CSRNP3: variants seen among roughly 807,000 people sequenced by gnomAD.
CSRNP3 encodes the protein cysteine and serine rich nuclear protein 3.
CSRNP3 carries 12 observed loss-of-function variants against 48.0 expected under a neutral mutation model. That is an observed-to-expected ratio of 0.25 (90% CI 0.16 to 0.41). The LOEUF (loss-of-function observed/expected upper bound fraction) is 0.41, where lower values mean the gene tolerates loss of function less well. CSRNP3 is among the 10% of genes least tolerant of loss of function. CSRNP3 has a pLI of 1.00. For missense variants in CSRNP3, 580 were observed against 724.4 expected (o/e 0.80, Z 2.29); for synonymous variants, 263 against 269.7 (o/e 0.98, Z 0.24).
intron 2 of CSRNP3, among the ~76,000 whole-genome samples, chr2:165,514,297 T>G (rs1246023568): frequency 2.0e-5 from 3 of 152,260 alleles, no homozygotes; most frequent in Non-Finnish European, 4.4e-5. Flanking sequence ...GTGTTGAGGC[T>G]ATCCAGTTTG....
rs565704691 is a variant in CSRNP3 at position 165,605,432 on chromosome 2, C to T, written c.148+10219C>T. ...ATCTAAAGTACGTAGGCCCAAAGTC[C>T]TCATCTCTTAGAGAAATACATGAAA... is the stretch of plus-strand genomic sequence containing the variant. On this transcript the variant is annotated intron_variant, in intron 4 of 6. Transcript: ENST00000651982. Among the ~76,000 whole-genome samples the T allele has an allele frequency of 1.3e-4, 19 of 151,928 alleles. No individual in the cohort carries two copies. The South Asian group carries it at 4.0e-3, about 32-fold the overall frequency.
rs748378762 is a variant in CSRNP3, at chr2:165,686,988, C to G, written c.*7235C>G. The G allele has an allele frequency of 6.6e-6, 1 of 152,070 alleles. No homozygotes were observed. The highest frequency in any genetic ancestry group is 1.5e-5 in the Non-Finnish European group (1 of 67,986). The allele number at this position is 152,070 out of a possible 1,614,324, so 9.4% of individuals were successfully genotyped here. ...CTTAGGCATGCCCAACAGGAGAGAT[C>G]GCCATCTATTCTTAACATCTCTAGG... On this transcript the variant is annotated 3_prime_UTR_variant, in exon 7 of 7. Transcript: ENST00000651982.
At chr2:165,620,160 C>T (rs1381149621) in intron 4 of CSRNP3, among the ~76,000 whole-genome samples, 2 of 152,076 alleles carry the variant, frequency 1.3e-5, no homozygotes, top group Non-Finnish European at 1.5e-5. Flanking sequence ...AATTTTTACA[C>T]AGTTTTTCTT....
intron 3 of CSRNP3, among the ~76,000 whole-genome samples, chr2:165,519,481 A>G (rs1394417555): frequency 6.6e-6 from 1 of 152,212 alleles, no homozygotes; most frequent in Non-Finnish European, 1.5e-5. Flanking sequence ...GCAGCACTGT[A>G]CTTCTCAAGA....
At chr2:165,666,876 AGAGG>A in intron 5 of CSRNP3, among the ~76,000 whole-genome samples, 1 of 112,672 alleles carries the variant, frequency 8.9e-6, no homozygotes, top group Non-Finnish European at 2.0e-5. Context: ...AGAAAGAGAG[AGAGG>A]AAGAAGGAAA....
At chr2:165,548,043 TA>T (rs1223565818) in intron 3 of CSRNP3, among the ~76,000 whole-genome samples, 1 of 152,066 alleles carries the variant, frequency 6.6e-6, no homozygotes, top group Non-Finnish European at 1.5e-5. Context: ...TTGCAAATAC[TA>T]AAAAAGTGTG....
chr2:165,490,420 A>C lies in CSRNP3; in HGVS notation c.-282-4339A>C, dbSNP rs1426878173. Among the ~76,000 whole-genome samples the C allele has an allele frequency of 1.0e-4, 14 of 135,234 alleles. No homozygotes were observed. In the East Asian group the frequency reaches 2.3e-3, roughly 22 times the overall value. The allele number at this position is 135,234 out of a possible 152,430, so 88.7% of individuals were successfully genotyped here. On this transcript the variant is annotated intron_variant, in intron 1 of 6. Transcript: ENST00000651982. ...TGCCATCCCCATCAAGCTACCAATG[A>C]CTTTCTTCACAGAATTGGAAAAAAC...
At chr2:165,559,990 G>A (rs964707056) in intron 3 of CSRNP3, among the ~76,000 whole-genome samples, 8 of 151,566 alleles carry the variant, frequency 5.3e-5, no homozygotes, top group East Asian at 1.9e-4. Context: ...TAGTAGAGAC[G>A]GGGTTTCACC....
chr2:165,670,606 A>G (rs1687312238), intron 5 of CSRNP3, among the ~76,000 whole-genome samples: 1 of 152,222 alleles, frequency 6.6e-6, no homozygotes, highest in Admixed American at 6.5e-5. Flanking sequence ...CATCAGTTAA[A>G]TGAATACAAT....
chr2:165,660,461 G>A (rs1687077896), intron 5 of CSRNP3, among the ~76,000 whole-genome samples: 1 of 151,950 alleles, frequency 6.6e-6, no homozygotes, highest in African/African-American at 2.4e-5. Flanking sequence ...GTACCTTTGG[G>A]GAGTCATCCT....
chr2:165,485,671 G>A (rs970483520), intron 1 of CSRNP3, among the ~76,000 whole-genome samples: 3 of 152,072 alleles, frequency 2.0e-5, no homozygotes, highest in Admixed American at 6.6e-5. Flanking sequence ...AGGGAGAATG[G>A]TAGATAAAAT....
At chr2:165,556,238 G>A (rs1685158848) in intron 3 of CSRNP3, among the ~76,000 whole-genome samples, 1 of 152,098 alleles carries the variant, frequency 6.6e-6, no homozygotes, top group Non-Finnish European at 1.5e-5. Flanking sequence ...TTCAGCAACT[G>A]GGATAGTGTT....
intron 3 of CSRNP3, among the ~76,000 whole-genome samples, chr2:165,531,028 A>G (rs1005885028): frequency 6.6e-5 from 10 of 152,082 alleles, no homozygotes; most frequent in African/African-American, 2.2e-4. Context: ...CATGAATAAT[A>G]TATTCTCTTC....
At chr2:165,613,048 G>A (rs576261529) in intron 4 of CSRNP3, among the ~76,000 whole-genome samples, 5 of 152,062 alleles carry the variant, frequency 3.3e-5, no homozygotes, top group South Asian at 4.1e-4. Flanking sequence ...CAGTGTATTC[G>A]TGTCACCTTT....
chr2:165,493,771 T>G (rs886944105), intron 1 of CSRNP3, among the ~76,000 whole-genome samples: 3 of 152,120 alleles, frequency 2.0e-5, no homozygotes, highest in African/African-American at 7.2e-5. Context: ...ACTATTGTAC[T>G]TATGCTTTCA....
chr2:165,681,664 C>G lies in CSRNP3; in HGVS notation c.*1911C>G, dbSNP rs1353521083. Reference sequence around the variant, plus strand: ...TTGCAGTAATGAGAGCAGGGTTGTTCCTTTTGAATGATTGGCCCTTTGGGC... The same window carrying G: ...TTGCAGTAATGAGAGCAGGGTTGTTGCTTTTGAATGATTGGCCCTTTGGGC... On this transcript the variant is annotated 3_prime_UTR_variant, in exon 7 of 7. Coordinates refer to ENST00000651982, the MANE Select transcript of CSRNP3 (RefSeq NM_001172173.2). The G allele has an allele frequency of 5.0e-5, 7 of 140,648 alleles. No homozygotes were observed. The highest frequency in any genetic ancestry group is 7.6e-5 in the Non-Finnish European group (5 of 65,904). The allele number at this position is 140,648 out of a possible 1,614,324, so 8.7% of individuals were successfully genotyped here. A position where few individuals can be genotyped will look rare whatever the true frequency, so the allele number is the denominator to read the frequency against.
chr2:165,620,661 A>T (rs1686323743), intron 4 of CSRNP3, among the ~76,000 whole-genome samples: 1 of 152,140 alleles, frequency 6.6e-6, no homozygotes, highest in South Asian at 2.1e-4. Context: ...ATTTTCCATT[A>T]TATTCTATAA....
At chr2:165,627,295 A>G (rs1379943239) in intron 4 of CSRNP3, among the ~76,000 whole-genome samples, 2 of 151,354 alleles carry the variant, frequency 1.3e-5, no homozygotes, top group African/African-American at 4.9e-5. Flanking sequence ...CATTTTCTTG[A>G]TTTCTCTATT....
chr2:165,557,063 A>G (rs1237006960), intron 3 of CSRNP3, among the ~76,000 whole-genome samples: 1 of 152,198 alleles, frequency 6.6e-6, no homozygotes, highest in Non-Finnish European at 1.5e-5. Flanking sequence ...CTTGTATAGC[A>G]AGGGTCAGCA....
Sources: gnomAD v4.1 joint callset for allele counts (sites outside exome capture counted in the v4.1 genomes callset) on GRCh38, gnomAD v4.1.1 for gene constraint, MANE v1.5 for transcripts, NCBI Gene and HGNC (gene_info 2026-07-23, HGNC 2026-07-21) for gene names.